KHDRBS2: variants seen among roughly 807,000 people sequenced by gnomAD.
The protein encoded by KHDRBS2 is KH RNA binding domain containing, signal transduction associated 2.
Under a neutral mutation model 44.3 loss-of-function variants are expected in KHDRBS2, and 26 were observed. The ratio of observed to expected loss-of-function variants is 0.59; its 90% confidence interval spans 0.43 to 0.81. The LOEUF (loss-of-function observed/expected upper bound fraction) is 0.81, where lower values mean the gene tolerates loss of function less well. KHDRBS2 is among the 40% of genes least tolerant of loss of function. The pLI, the probability that KHDRBS2 is intolerant of heterozygous loss-of-function variation, is 0.00. For synonymous variants in KHDRBS2, 194 were observed against 151.1 expected (o/e 1.28, Z -2.08); for missense variants, 476 against 433.1 (o/e 1.10, Z -0.88).
At chr6:62,020,459 A>C (rs1390162137) in intron 3 of KHDRBS2, among the ~76,000 whole-genome samples, 1 of 151,946 alleles carries the variant, frequency 6.6e-6, no homozygotes, top group Non-Finnish European at 1.5e-5. Flanking sequence ...ATGTCAATTA[A>C]CTCAGTTTGG....
chr6:61,836,030 C>T (rs906362451), intron 6 of KHDRBS2, among the ~76,000 whole-genome samples: 3 of 151,762 alleles, frequency 2.0e-5, no homozygotes, highest in Non-Finnish European at 2.9e-5. Flanking sequence ...AATTTTGAAG[C>T]GACAAAATGA....
intron 1 of KHDRBS2, among the ~76,000 whole-genome samples, chr6:62,212,871 A>C (rs1829314160): frequency 6.6e-6 from 1 of 152,126 alleles, no homozygotes; most frequent in Non-Finnish European, 1.5e-5. Context: ...GCAAACTAAT[A>C]CAGGAAGACT....
chr6:62,066,590 A>T (rs1024846680), intron 2 of KHDRBS2, among the ~76,000 whole-genome samples: 1 of 151,630 alleles, frequency 6.6e-6, no homozygotes, highest in African/African-American at 2.4e-5. Context: ...CAAATTAGAG[A>T]TGTTTGTTCT....
chr6:62,278,122 A>C (rs1354743079), intron 1 of KHDRBS2, among the ~76,000 whole-genome samples: 2 of 152,218 alleles, frequency 1.3e-5, no homozygotes, highest in Non-Finnish European at 2.9e-5. Context: ...TGATCTATGA[A>C]ATATATTAAA....
At chr6:61,597,773 T>TATATATATATATATATATATACATACAC in the KHDRBS2 span, among the ~76,000 whole-genome samples, 1 of 42,350 alleles carries the variant, frequency 2.4e-5, no homozygotes, top group Non-Finnish European at 4.8e-5. Flanking sequence ...TATATATATA[T>TATATATATATATATATATATACATACAC]ACACCAAGAT....
intron 6 of KHDRBS2, among the ~76,000 whole-genome samples, chr6:61,848,575 A>ATATATATG (rs1491403146): frequency 1.3e-4 from 7 of 52,556 alleles, no homozygotes; most frequent in Non-Finnish European, 2.4e-4. Context: ...ATATATATAT[A>ATATATATG]CATATATATA....
chr6:62,235,299 T>C (rs537219876), intron 1 of KHDRBS2, among the ~76,000 whole-genome samples: 6 of 152,086 alleles, frequency 3.9e-5, no homozygotes, highest in Admixed American at 2.6e-4. Context: ...TAATCTTCAG[T>C]TGACTGGTAC....
chr6:61,582,949 T>C, the KHDRBS2 span, among the ~76,000 whole-genome samples: 1 of 151,834 alleles, frequency 6.6e-6, no homozygotes, highest in Non-Finnish European at 1.5e-5. Flanking sequence ...AAAACCATTT[T>C]ATGTAAGACA....
intron 6 of KHDRBS2, chr6:61,816,962 G>A (rs1471225957): frequency 4.4e-6 from 2 of 455,664 alleles, no homozygotes; most frequent in African/African-American, 2.0e-5. Flanking sequence ...TACCTGGTGA[G>A]ATTTTGCCAC....
chr6:61,796,673 A>T (rs1233828872), intron 6 of KHDRBS2, among the ~76,000 whole-genome samples: 1 of 152,130 alleles, frequency 6.6e-6, no homozygotes, highest in African/African-American at 2.4e-5. Flanking sequence ...AAAGTATTTA[A>T]TACCTAGCAT....
intron 6 of KHDRBS2, among the ~76,000 whole-genome samples, chr6:61,843,119 C>T (rs483691): frequency 6.6e-6 from 1 of 151,636 alleles, no homozygotes; most frequent in African/African-American, 2.4e-5. Context: ...TATGAAATGT[C>T]CAGAATAGGC....
chr6:61,814,871 T>C (rs1788667718), intron 6 of KHDRBS2, among the ~76,000 whole-genome samples: 2 of 152,140 alleles, frequency 1.3e-5, no homozygotes, highest in African/African-American at 2.4e-5. Context: ...GTTTAAGGAC[T>C]CTGCAGGTTA....
Position 61,929,571 on chromosome 6 carries a change from C to T in KHDRBS2, c.484-28200G>A, listed in dbSNP as rs146625545. On this transcript the variant is annotated intron_variant, in intron 4 of 8. Coordinates refer to ENST00000281156, the MANE Select transcript of KHDRBS2 (RefSeq NM_152688.4). ...ACTTGCTGGGAAATAGGAGGAAAAT[C>T]CAGAGATATTAAGAAGATTCTGGCA... Among the ~76,000 whole-genome samples, 378 of 152,182 alleles carry T rather than the reference C, an allele frequency of 2.5e-3. 3 individuals are homozygous for T. The highest frequency in any genetic ancestry group is 8.5e-3 in the African/African-American group (352 of 41,512).
intron 3 of KHDRBS2, among the ~76,000 whole-genome samples, chr6:62,016,506 T>A (rs1400467464): frequency 1.3e-5 from 2 of 150,206 alleles, no homozygotes; most frequent in African/African-American, 4.9e-5. Context: ...GATATACACA[T>A]AGATAATATA....
intron 3 of KHDRBS2, among the ~76,000 whole-genome samples, chr6:61,991,031 G>GAACT (rs1302156749): frequency 7.2e-5 from 11 of 152,058 alleles, no homozygotes; most frequent in Non-Finnish European, 1.6e-4. Context: ...TTAGCATTGA[G>GAACT]AACTACATGA....
chr6:61,960,136 T>A (rs1768321062), intron 4 of KHDRBS2, among the ~76,000 whole-genome samples: 1 of 152,080 alleles, frequency 6.6e-6, no homozygotes, highest in Non-Finnish European at 1.5e-5. Flanking sequence ...TCCCCAGGGC[T>A]CAGAAAGTAC....
the KHDRBS2 span, among the ~76,000 whole-genome samples, chr6:61,647,991 G>T: frequency 6.6e-6 from 1 of 151,930 alleles, no homozygotes; most frequent in South Asian, 2.1e-4. Context: ...GACCAACCTT[G>T]CTCCCTTAAA....
intron 2 of KHDRBS2, among the ~76,000 whole-genome samples, chr6:62,084,460 T>C (rs1798033477): frequency 2.0e-5 from 3 of 152,164 alleles, no homozygotes; most frequent in African/African-American, 7.2e-5. Context: ...AGAAAAAAGT[T>C]ATGACACTCT....
At chr6:61,593,708 C>A in the KHDRBS2 span, among the ~76,000 whole-genome samples, 1 of 152,048 alleles carries the variant, frequency 6.6e-6, no homozygotes, top group Non-Finnish European at 1.5e-5. Flanking sequence ...CTTTGGAAAA[C>A]TTCTAAAGGC....
Sources: gnomAD v4.1 joint callset for allele counts (sites outside exome capture counted in the v4.1 genomes callset) on GRCh38, gnomAD v4.1.1 for gene constraint, MANE v1.5 for transcripts, NCBI Gene and HGNC (gene_info 2026-07-23, HGNC 2026-07-21) for gene names.